LARGE1: variants seen among roughly 807,000 people sequenced by gnomAD.
LARGE1 encodes the protein LARGE xylosyl- and glucuronyltransferase 1.
A neutral mutation model predicts 87.6 loss-of-function variants in LARGE1; 43 were observed. The observed-to-expected ratio is 0.49, with a 90% CI of 0.38 to 0.63. The LOEUF (loss-of-function observed/expected upper bound fraction) is 0.63, where lower values mean the gene tolerates loss of function less well. Among genes scored for constraint, LARGE1 ranks in the 30% least tolerant of loss-of-function variants. LARGE1 has a pLI of 0.00. For synonymous variants in LARGE1, 434 were observed against 394.6 expected (o/e 1.10, Z -1.18); for missense variants, 802 against 1,000.2 (o/e 0.80, Z 2.67).
At chr22:33,201,755 C>A (rs1330781668) in intron 11 of LARGE1, among the ~76,000 whole-genome samples, 2 of 152,186 alleles carry the variant, frequency 1.3e-5, no homozygotes, top group Non-Finnish European at 2.9e-5. Context: ...TGTAGGTCAT[C>A]ATCAGAACTT....
At chr22:33,394,818 CAA>C (rs1206277088) in intron 7 of LARGE1, among the ~76,000 whole-genome samples, 1 of 151,082 alleles carries the variant, frequency 6.6e-6, no homozygotes, top group Non-Finnish European at 1.5e-5. Flanking sequence ...AAAGCCAAAA[CAA>C]AAGAGTAGCT....
chr22:33,514,151 C>CAT (rs1472473858), intron 6 of LARGE1, among the ~76,000 whole-genome samples: 1 of 152,166 alleles, frequency 6.6e-6, no homozygotes, highest in Non-Finnish European at 1.5e-5. Context: ...TTTCCCAGAA[C>CAT]ATATCCCCAT....
chr22:33,176,555 A>G (rs752629263), intron 11 of LARGE1, among the ~76,000 whole-genome samples: 1 of 152,210 alleles, frequency 6.6e-6, no homozygotes, highest in Non-Finnish European at 1.5e-5. Context: ...CTTATGACAA[A>G]ATGCTCATCA....
chr22:33,859,002 G>A (rs2063836443), intron 1 of LARGE1, among the ~76,000 whole-genome samples: 1 of 151,402 alleles, frequency 6.6e-6, no homozygotes, highest in African/African-American at 2.4e-5. Context: ...GAGAACACAT[G>A]GACACAGGGA....
chr22:33,237,199 C>A (rs1436116324), intron 11 of LARGE1, among the ~76,000 whole-genome samples: 2 of 152,104 alleles, frequency 1.3e-5, no homozygotes, highest in African/African-American at 2.4e-5. Context: ...TGCTATCCGT[C>A]CAGACAATTT....
chr22:33,830,668 A>G (rs1435422452), intron 1 of LARGE1, among the ~76,000 whole-genome samples: 3 of 152,198 alleles, frequency 2.0e-5, no homozygotes, highest in Non-Finnish European at 2.9e-5. Flanking sequence ...AATGATGACA[A>G]TGGCGGTGGT....
chr22:33,777,294 C>G (rs906542527), intron 1 of LARGE1, among the ~76,000 whole-genome samples: 3 of 152,034 alleles, frequency 2.0e-5, no homozygotes, highest in Admixed American at 2.0e-4. Context: ...TTCCACAGTC[C>G]CTAGGGAGCC....
At chr22:33,793,989 T>C (rs1410254929) in intron 1 of LARGE1, among the ~76,000 whole-genome samples, 1 of 151,994 alleles carries the variant, frequency 6.6e-6, no homozygotes, top group Non-Finnish European at 1.5e-5. Flanking sequence ...AGCCTCTGTC[T>C]CCTACAACTG....
At chr22:33,205,849 T>C (rs1924647171) in intron 11 of LARGE1, among the ~76,000 whole-genome samples, 1 of 151,844 alleles carries the variant, frequency 6.6e-6, no homozygotes, top group South Asian at 2.1e-4. Context: ...GCCCGATCTC[T>C]GCTCACTGCA....
intron 6 of LARGE1, among the ~76,000 whole-genome samples, chr22:33,561,144 T>C (rs2077846165): frequency 6.6e-6 from 1 of 152,224 alleles, no homozygotes; most frequent in South Asian, 2.1e-4. Context: ...TCTAGCTCAG[T>C]GCCTAGAACC....
the LARGE1 span, among the ~76,000 whole-genome samples, chr22:33,122,564 G>A: frequency 6.6e-6 from 1 of 151,880 alleles, no homozygotes; most frequent in Non-Finnish European, 1.5e-5. Context: ...TCTCCATGTT[G>A]GTCAGGCTGG....
intron 1 of LARGE1, among the ~76,000 whole-genome samples, chr22:33,831,100 C>CT (rs5845117): frequency 0.47 from 64,717 of 136,972 alleles, 16,061 homozygotes; most frequent in African/African-American, 0.64. Flanking sequence ...TTTCTTTTTT[C>CT]TTTTTTTTTT....
At chr22:33,708,430 C>T (rs545356262) in intron 2 of LARGE1, among the ~76,000 whole-genome samples, 9 of 152,186 alleles carry the variant, frequency 5.9e-5, no homozygotes, top group South Asian at 4.2e-4. Flanking sequence ...ATAACACAGA[C>T]ATTACATGCC....
chr22:33,128,687 A>AAC, the LARGE1 span, among the ~76,000 whole-genome samples: 1 of 145,102 alleles, frequency 6.9e-6, no homozygotes, highest in Non-Finnish European at 1.5e-5. Context: ...AAACAAAAAA[A>AAC]AAAAAAAAAA....
At chr22:33,836,462 T>G in intron 1 of LARGE1, among the ~76,000 whole-genome samples, 1 of 152,204 alleles carries the variant, frequency 6.6e-6, no homozygotes, top group Non-Finnish European at 1.5e-5. Context: ...CATATTTTTT[T>G]GTCCATTTGC....
chr22:33,237,379 T>C (rs1181188810), intron 11 of LARGE1, among the ~76,000 whole-genome samples: 3 of 152,142 alleles, frequency 2.0e-5, no homozygotes, highest in African/African-American at 7.2e-5. Context: ...TTCTGTCCTC[T>C]TAACCTAAAA....
chr22:33,888,934 G>C (rs957469907), intron 1 of LARGE1, among the ~76,000 whole-genome samples: 1 of 152,186 alleles, frequency 6.6e-6, no homozygotes, highest in Admixed American at 6.5e-5. Context: ...CTTTAGAGAT[G>C]AAGAGACTGG....
chr22:33,834,369 A>G (rs2063054885), intron 1 of LARGE1, among the ~76,000 whole-genome samples: 1 of 152,224 alleles, frequency 6.6e-6, no homozygotes, highest in South Asian at 2.1e-4. Flanking sequence ...GTAACTGAAG[A>G]ATCACAAAAG....
At chr22:33,089,017 C>G in the LARGE1 span, among the ~76,000 whole-genome samples, 7 of 152,318 alleles carry the variant, frequency 4.6e-5, no homozygotes, top group Non-Finnish European at 1.0e-4. Flanking sequence ...GAATTTCCCT[C>G]TTTTCGTGAT....
Sources: allele counts gnomAD v4.1 joint callset (sites outside exome capture counted in the v4.1 genomes callset), GRCh38; gene constraint gnomAD v4.1.1; transcripts MANE v1.5; gene names NCBI Gene and HGNC (gene_info 2026-07-23, HGNC 2026-07-21).